Variants in PGGHG observed in about 807,000 individuals in gnomAD.
PGGHG encodes the protein protein-glucosylgalactosylhydroxylysine glucosidase.
A neutral mutation model predicts 74.5 loss-of-function variants in PGGHG; 67 were observed. The ratio of observed to expected loss-of-function variants is 0.90; its 90% CI spans 0.74 to 1.10. The LOEUF is 1.10. Ranked by LOEUF, PGGHG falls within the 50% of genes least tolerant of loss-of-function variation. The pLI, the probability that PGGHG is intolerant of heterozygous loss-of-function variation, is 0.00. For missense variants in PGGHG, 1,034 were observed against 981.5 expected (o/e 1.05, Z -0.72); for synonymous variants, 496 against 419.9 (o/e 1.18, Z -2.21).
chr11:290,680 A>T lies in PGGHG; in HGVS notation c.473A>T (p.Tyr158Phe). ...HQGPDFQGAR[Y>F]LYGHTLTPEQ... is the part of the protein sequence containing the mutation. ...GAGGCATGGCCACGCTCTCACAGGT[A>T]CCTGTATGGCCACACCCTCACCCCT... Residue 158 changes from tyrosine to phenylalanine, a missense_variant and splice_region_variant, in exon 4 of 14, where the codon TAC becomes TTC. Coordinates refer to ENST00000409548, the MANE Select transcript of PGGHG (RefSeq NM_025092.5). The T allele has an allele frequency of 6.2e-7, 1 of 1,607,724 alleles. No individual in the cohort carries two copies. The highest frequency in any genetic ancestry group is 8.5e-7 in the Non-Finnish European group (1 of 1,176,412).
chr11:292,649 C>T lies in PGGHG; in HGVS notation c.1130C>T (p.Ala377Val), dbSNP rs754426046. Reference sequence around the variant, plus strand: ...CACGTCAACGGGGCCGTGGTGTTGGCCTTCGAGCTGTACTACCATACCACC... The same window carrying T: ...CACGTCAACGGGGCCGTGGTGTTGGTCTTCGAGCTGTACTACCATACCACC... ...EVHVNGAVVLAFELYYHTTQD... is the reference protein window; with the variant it reads ...EVHVNGAVVLVFELYYHTTQD... Residue 377 changes from alanine to valine, a missense_variant, in exon 6 of 14, where the codon GCC (alanine) becomes GTC (valine). Transcript: ENST00000409548. 8.1e-6 allele frequency: 13 copies of T among 1,613,796 alleles called. No homozygotes were observed. Among genetic ancestry groups the T allele is most frequent in the South Asian group, 7.7e-5 (7 of 91,086 alleles).
Position 289,672 on chromosome 11 carries a change from G to A in PGGHG, c.-13-132G>A. On this transcript the variant is annotated intron_variant, in intron 1 of 13. Coordinates refer to ENST00000409548, the MANE Select transcript of PGGHG (RefSeq NM_025092.5). This position sits in a 1 kb window ranked among gnomAD's most constrained non-coding sequence, Gnocchi z 5.6. Reference sequence around the variant, plus strand: ...GAGGCCCCGTCTAGGAGGGGCCTCAGGAAAATCGGGGCTGCCCAGCTGGTT... The same window carrying A: ...GAGGCCCCGTCTAGGAGGGGCCTCAAGAAAATCGGGGCTGCCCAGCTGGTT... 1 of 1,204,490 alleles carries A rather than the reference G, an allele frequency of 8.3e-7. No homozygotes were observed. The highest frequency in any genetic ancestry group is 1.1e-6 in the Non-Finnish European group (1 of 889,576). The allele number at this position is 1,204,490 out of a possible 1,614,324, so 74.6% of individuals were successfully genotyped here.
rs765787443 is a variant in PGGHG, at chr11:293,238, C to T, written c.1343+3C>T. 1.9e-5 allele frequency: 30 copies of T among 1,612,684 alleles called. No individual in the cohort carries two copies. In the Admixed American group the frequency reaches 5.0e-4, roughly 27 times the overall value. On this transcript the variant is annotated splice_donor_region_variant and intron_variant, in intron 8 of 13. Coordinates refer to ENST00000409548, the MANE Select transcript of PGGHG (RefSeq NM_025092.5). ...ACCAACGTCCTGGTCCAGAACAGGT[C>T]AGACACAAGATCCCCTCACCTCACC...
At chr11:290,105 C>T (rs1300058302) in intron 2 of PGGHG, 30 bp downstream of exon 2, 1 of 1,499,076 alleles carries the variant, frequency 6.7e-7, no homozygotes, top group Admixed American at 2.1e-5. Context: ...CTCACCCCTG[C>T]CCCAGGCATT....
chr11:293,958 C>G (rs761957476), intron 11 of PGGHG, 33 bp downstream of exon 11: 1 of 1,602,072 alleles, frequency 6.2e-7, no homozygotes, highest in Middle Eastern at 1.8e-4. Context: ...CCCACTGGGC[C>G]CCTTGTGGTG....
chr11:291,810 G>C (rs1463789156), intron 4 of PGGHG, 166 bp from the exon 5 acceptor site: 9 of 1,023,334 alleles, frequency 8.8e-6, no homozygotes, highest in Non-Finnish European at 1.1e-5. Context: ...CTGGGCTGGA[G>C]ACAGAACTGG....
chr11:294,974 G>A lies in PGGHG; in HGVS notation c.*225G>A. The stretch of plus-strand genomic sequence containing the variant: ...CCCGTGGCATCTCCACACCGCCTCT[G>A]CCTGCCCCTGTGGACTGATGCTATC... On this transcript the variant is annotated 3_prime_UTR_variant, in exon 14 of 14. Transcript: ENST00000409548. 1.9e-6 allele frequency: 1 copy of A among 521,536 alleles called. No homozygotes were observed. Among genetic ancestry groups the A allele is most frequent in the Non-Finnish European group, 3.3e-6 (1 of 299,300 alleles). The allele number at this position is 521,536 out of a possible 1,614,324, so 32.3% of individuals were successfully genotyped here. A position where few individuals can be genotyped will look rare whatever the true frequency, so the allele number is the denominator to read the frequency against.
intron 7 of PGGHG, 80 bp downstream of exon 7, chr11:293,077 G>C (rs779493472): frequency 4.3e-6 from 7 of 1,613,868 alleles, no homozygotes; most frequent in Non-Finnish European, 5.9e-6. Context: ...GACACCTCAC[G>C]TGTGCCAGCC....
rs1364283762 is a variant in PGGHG at position 293,739 on chromosome 11, G to A, written c.1614+12G>A. The A allele has an allele frequency of 1.2e-6, 2 of 1,613,370 alleles. No homozygotes were observed. The highest frequency in any genetic ancestry group is 1.7e-6 in the Non-Finnish European group (2 of 1,179,970). On this transcript the variant is annotated intron_variant, in intron 10 of 13. Coordinates refer to ENST00000409548, the MANE Select transcript of PGGHG (RefSeq NM_025092.5). Reference sequence around the variant, plus strand: ...CCGCCATGACCTGGGTGAGCACCCTGGGGCTGTGGAGTTCCTACCCCATTG... The same window carrying A: ...CCGCCATGACCTGGGTGAGCACCCTAGGGCTGTGGAGTTCCTACCCCATTG...
Position 294,309 on chromosome 11 carries a change from G to T in PGGHG, c.1851G>T (p.Ser617=). 1 of 1,612,526 alleles carries T rather than the reference G, an allele frequency of 6.2e-7. No individual in the cohort carries two copies. Among genetic ancestry groups the T allele is most frequent in the Admixed American group, 1.7e-5 (1 of 59,910 alleles). The part of the protein sequence containing the change: ...AGVTFDPVCL[S]GISRVSVSGI... ...TGACCTTTGACCCTGTGTGTCTGTCGGGGATCTCCAGAGTGAGCGTCTCCG... is the reference window on the plus strand; with the variant it reads ...TGACCTTTGACCCTGTGTGTCTGTCTGGGATCTCCAGAGTGAGCGTCTCCG... The change falls in exon 13 of 14, where the codon TCG becomes TCT. Residue 617 remains serine (S), a synonymous_variant. Coordinates refer to ENST00000409548, the MANE Select transcript of PGGHG (RefSeq NM_025092.5).
At chr11:293,526 C>G (rs1333818064) in intron 9 of PGGHG, 24 bp downstream of exon 9, 1 of 1,611,688 alleles carries the variant, frequency 6.2e-7, no homozygotes, top group Non-Finnish European at 8.5e-7. Context: ...TTCAAGGGCT[C>G]CTCCCCTGCC....
chr11:292,702 C>T lies in PGGHG; in HGVS notation c.1158+25C>T, dbSNP rs532427019. 3.7e-6 allele frequency: 6 copies of T among 1,613,316 alleles called. No homozygotes were observed. The African/African-American group carries it at 8.0e-5, about 21-fold the overall frequency. On this transcript the variant is annotated intron_variant, in intron 6 of 13. Transcript: ENST00000409548. Reference sequence around the variant, plus strand: ...GGTGAGGTGCTGCGTGCCCACCATTCCTGCAAGTGTGGCCAGGCAGCTGGT... The same window carrying T: ...GGTGAGGTGCTGCGTGCCCACCATTTCTGCAAGTGTGGCCAGGCAGCTGGT...
chr11:291,785 GA>G, intron 4 of PGGHG, 190 bp from the exon 5 acceptor site: 1 of 795,266 alleles, frequency 1.3e-6, no homozygotes, highest in Non-Finnish European at 1.9e-6. Context: ...CTGAGCACCA[GA>G]ACTCCAGGAG....
intron 4 of PGGHG, chr11:291,445 A>G (rs1420191055): frequency 1.8e-5 from 6 of 328,354 alleles, no homozygotes; most frequent in East Asian, 1.7e-4. Context: ...GTGGAGCTCC[A>G]GGGACCTATC....
Position 290,562 on chromosome 11 carries a change from C to T in PGGHG, c.432C>T (p.Asp144=). The change falls in exon 3 of 14, where the codon GAC becomes GAT. Residue 144 remains aspartate (D), a synonymous_variant. Coordinates refer to ENST00000409548, the MANE Select transcript of PGGHG (RefSeq NM_025092.5). ...CAGCCTTCTCCCCAGAAAGCCCAGA[C>T]CTGGACCTGCATCAGGGTCCTGACT... ...LRSAFSPESP[D]LDLHQGPDFQ... 2 of 1,551,966 alleles carry T rather than the reference C, an allele frequency of 1.3e-6. No individual in the cohort carries two copies. The highest frequency in any genetic ancestry group is 1.2e-5 in the South Asian group (1 of 84,388).
Position 294,148 on chromosome 11 carries a change from G to C in PGGHG, c.1760G>C (p.Gly587Ala). ...DGSGAVNFLTGMGGFLQAVVF... is the reference protein window; with the variant it reads ...DGSGAVNFLTAMGGFLQAVVF... ...TCAGGCGCTGTGAACTTCCTGACAG[G>C]CATGGGGGGCTTCCTGCAGGCGGTG... Residue 587 changes from glycine (G) to alanine (A), a missense_variant, in exon 12 of 14, where the codon GGC (glycine) becomes GCC (alanine). Physicochemically the swap from Gly to Ala is moderately conservative, Grantham distance 60. Transcript: ENST00000409548. The C allele has an allele frequency of 6.2e-7, 1 of 1,612,860 alleles. No homozygotes were observed. Among genetic ancestry groups the C allele is most frequent in the Non-Finnish European group, 8.5e-7 (1 of 1,179,454 alleles).
In PGGHG at chr11:291,972, T is replaced by G; in HGVS notation, c.907-4T>G. On this transcript the variant is annotated splice_polypyrimidine_tract_variant and splice_region_variant and intron_variant, in intron 4 of 13. Transcript: ENST00000409548. The stretch of plus-strand genomic sequence containing the variant: ...GGCGCTAGAACGAGGGACCGTGCTC[T>G]CAGGACCTCTGGATGTTCCCGAGTA... 6.2e-7 allele frequency: 1 copy of G among 1,606,698 alleles called. No individual in the cohort carries two copies. Among genetic ancestry groups the G allele is most frequent in the Non-Finnish European group, 8.5e-7 (1 of 1,177,264 alleles).
chr11:291,110 C>T lies in PGGHG; in HGVS notation c.903C>T (p.Asp301=). The T allele has an allele frequency of 6.3e-7, 1 of 1,577,662 alleles. No individual in the cohort carries two copies. Among genetic ancestry groups the T allele is most frequent in the Non-Finnish European group, 8.6e-7 (1 of 1,158,818 alleles). Residue 301 remains aspartate (D), a synonymous_variant, in exon 4 of 14, where the codon GAC becomes GAT. Transcript: ENST00000409548. ...GCTACTGGGGCCACGTCTTCTGGGA[C>T]CAGGTGAGCACTGTACACCCAGCAC... ...EECYWGHVFW[D]QDLWMFPSIL...
At chr11:291,464 G>A in intron 4 of PGGHG, 3 of 298,772 alleles carry the variant, frequency 1.0e-5, no homozygotes, top group Non-Finnish European at 1.3e-5. Context: ...TCAGGACGGG[G>A]ACCTGTGGGG....
Sources: gnomAD v4.1 joint callset for allele counts on GRCh38, gnomAD v4.1.1 for gene constraint, Gnocchi (gnomAD v3.1) non-coding constraint, MANE v1.5 for transcripts, NCBI Gene and HGNC (gene_info 2026-07-23, HGNC 2026-07-21) for gene names.